The following TBC1D19 variants were observed in gnomAD, a reference collection of about 807,000 sequenced individuals.
TBC1D19 encodes TBC1 domain family, member 19.
A neutral mutation model predicts 89.0 loss-of-function variants in TBC1D19; 60 were observed. That is an observed-to-expected ratio of 0.67 (90% confidence interval 0.55 to 0.84). The LOEUF (loss-of-function observed/expected upper bound fraction) is 0.84, where lower values mean the gene tolerates loss of function less well. Ranked by LOEUF, TBC1D19 falls within the 40% of genes least tolerant of loss-of-function variation. The pLI is 0.00. For synonymous variants in TBC1D19, 189 were observed against 199.7 expected (o/e 0.95, Z 0.45); for missense variants, 500 against 610.8 (o/e 0.82, Z 1.91).
intron 1 of TBC1D19, among the ~76,000 whole-genome samples, chr4:26,591,613 A>G (rs1344282867): frequency 6.6e-6 from 1 of 152,250 alleles, no homozygotes; most frequent in East Asian, 1.9e-4. Context: ...AGAAGAAAAG[A>G]GAGAAGAATC....
At chr4:26,621,338 G>A (rs1742034527) in intron 4 of TBC1D19, among the ~76,000 whole-genome samples, 1 of 152,154 alleles carries the variant, frequency 6.6e-6, no homozygotes, top group African/African-American at 2.4e-5. Flanking sequence ...CTGTCCGTAA[G>A]CCTTCCTCAC....
chr4:26,644,037 C>G (rs1743737299), intron 7 of TBC1D19, among the ~76,000 whole-genome samples: 1 of 152,090 alleles, frequency 6.6e-6, no homozygotes, highest in African/African-American at 2.4e-5. Flanking sequence ...CTATTCCAAT[C>G]AATAGAAAAA....
intron 1 of TBC1D19, among the ~76,000 whole-genome samples, chr4:26,590,796 GTTTTTTTTTTTT>G (rs869124166): frequency 0.013 from 674 of 52,914 alleles, 7 homozygotes; most frequent in Middle Eastern, 0.032. Flanking sequence ...TTGCAGGTCT[GTTTTTTTTTTTT>G]TTTTTTTTTT....
intron 17 of TBC1D19, among the ~76,000 whole-genome samples, chr4:26,741,919 AT>A (rs1244515492): frequency 6.6e-6 from 1 of 152,256 alleles, no homozygotes. Context: ...GTTTTAAAAA[AT>A]ATGTGTATAC....
At chr4:26,663,481 C>T (rs1389493104) in intron 8 of TBC1D19, among the ~76,000 whole-genome samples, 1 of 152,132 alleles carries the variant, frequency 6.6e-6, no homozygotes. Flanking sequence ...AACCAGCCAA[C>T]TTGAAGGAGT....
intron 1 of TBC1D19, among the ~76,000 whole-genome samples, chr4:26,577,087 C>T (rs10030852): frequency 0.023 from 3,478 of 152,256 alleles, 142 homozygotes; most frequent in African/African-American, 0.079. Flanking sequence ...AGAAGGAATT[C>T]TTCCTTAAAG....
At chr4:26,733,256 A>C (rs1717773204) in intron 15 of TBC1D19, among the ~76,000 whole-genome samples, 1 of 152,278 alleles carries the variant, frequency 6.6e-6, no homozygotes, top group African/African-American at 2.4e-5. Context: ...ACTAACTTGT[A>C]AATGATAACA....
intron 3 of TBC1D19, among the ~76,000 whole-genome samples, chr4:26,615,989 A>C (rs1032084950): frequency 1.3e-5 from 2 of 152,022 alleles, no homozygotes; most frequent in African/African-American, 4.8e-5. Context: ...TGTTTTATTC[A>C]TTATCATATT....
chr4:26,582,520 G>T (rs1379316769), upstream of TBC1D19, among the ~76,000 whole-genome samples: 3 of 152,146 alleles, frequency 2.0e-5, no homozygotes, highest in Non-Finnish European at 4.4e-5. Flanking sequence ...GACTGTTATG[G>T]TAGTGCTCTC....
chr4:26,801,067 C>A, the TBC1D19 span, among the ~76,000 whole-genome samples: 1 of 152,188 alleles, frequency 6.6e-6, no homozygotes, highest in Non-Finnish European at 1.5e-5. Flanking sequence ...GTGTTTTAGA[C>A]ATGAAGCCCT....
intron 11 of TBC1D19, among the ~76,000 whole-genome samples, chr4:26,674,642 G>A (rs1406809871): frequency 2.0e-5 from 3 of 151,874 alleles, no homozygotes; most frequent in African/African-American, 4.8e-5. Context: ...ATATCATTGA[G>A]CAAGTACTTA....
chr4:26,654,463 G>C (rs948110114), intron 7 of TBC1D19, among the ~76,000 whole-genome samples: 16 of 152,188 alleles, frequency 1.1e-4, no homozygotes, highest in Non-Finnish European at 5.9e-5. Context: ...ATATCCTGCA[G>C]AGTGTTTTCC....
chr4:26,818,298 G>C, the TBC1D19 span, among the ~76,000 whole-genome samples: 1 of 152,190 alleles, frequency 6.6e-6, no homozygotes, highest in Non-Finnish European at 1.5e-5. Context: ...CACAATCAGT[G>C]CTCACCGTAG....
intron 15 of TBC1D19, among the ~76,000 whole-genome samples, chr4:26,721,872 T>A (rs1717002698): frequency 1.3e-5 from 2 of 152,162 alleles, no homozygotes; most frequent in Admixed American, 1.3e-4. Flanking sequence ...TTTCCATGCT[T>A]AGAATAGCCC....
chr4:26,620,805 C>A, intron 4 of TBC1D19, 117 bp downstream of exon 4: 1 of 814,078 alleles, frequency 1.2e-6, no homozygotes, highest in Non-Finnish European at 1.9e-6. Context: ...TGGGTAAGAA[C>A]CACTAAATTT....
chr4:26,796,792 A>T, the TBC1D19 span, among the ~76,000 whole-genome samples: 1 of 152,268 alleles, frequency 6.6e-6, no homozygotes, highest in Non-Finnish European at 1.5e-5. Flanking sequence ...GATGAAAATG[A>T]TTTTTCATGT....
chr4:26,835,891 C>T, the TBC1D19 span, among the ~76,000 whole-genome samples: 47 of 152,240 alleles, frequency 3.1e-4, no homozygotes, highest in Non-Finnish European at 4.7e-4. Context: ...CATTATCTCT[C>T]CCCATTCTCT....
rs1388440993 is a variant in TBC1D19 at position 26,688,430 on chromosome 4, A to C, written c.954+23A>C. The C allele has an allele frequency of 5.2e-6, 8 of 1,527,326 alleles. No individual in the cohort carries two copies. The South Asian group carries it at 7.1e-5, about 14-fold the overall frequency. The allele number at this position is 1,527,326 out of a possible 1,614,324, so 94.6% of individuals were successfully genotyped here. ...CAGGTAAGTTTAAAAATAAAAATAC[A>C]TAGTGTTCTTGTTTTAGGTTCTCTA... is the stretch of plus-strand genomic sequence containing the variant. On this transcript the variant is annotated intron_variant, in intron 13 of 20. Transcript: ENST00000264866.
At chr4:26,748,275 A>G (rs1262003872) in intron 18 of TBC1D19, 136 bp from the exon 19 acceptor site, 3 of 627,620 alleles carry the variant, frequency 4.8e-6, no homozygotes, top group African/African-American at 1.8e-5. Flanking sequence ...TGCAGCTTTC[A>G]AGAAAGTACT....
Sources: allele counts gnomAD v4.1 joint callset (sites outside exome capture counted in the v4.1 genomes callset), GRCh38; gene constraint gnomAD v4.1.1; transcripts MANE v1.5; gene names NCBI Gene and HGNC (gene_info 2026-07-23, HGNC 2026-07-21).